The following PRTG variants were observed in gnomAD, a reference collection of about 807,000 sequenced individuals.
PRTG encodes the protein protogenin, also known as immunoglobulin superfamily, DCC subclass, member 5.
PRTG carries 67 observed loss-of-function variants against 122.5 expected under a neutral mutation model. That is an observed-to-expected ratio of 0.55 (90% confidence interval 0.45 to 0.67). The LOEUF (loss-of-function observed/expected upper bound fraction) is 0.67, where lower values mean the gene tolerates loss of function less well. Ranked by LOEUF, PRTG falls within the 30% of genes least tolerant of loss-of-function variation. The pLI, the probability that PRTG is intolerant of heterozygous loss-of-function variation, is 0.00. For missense variants in PRTG, 1,435 were observed against 1,415.4 expected, an observed-to-expected ratio of 1.01 and a Z score of -0.22; for synonymous variants, 554 against 501.1, an observed-to-expected ratio of 1.11 and a Z score of -1.41.
At chr15:55,629,984 A>ATT (rs1169581862) in intron 15 of PRTG, among the ~76,000 whole-genome samples, 17 of 125,260 alleles carry the variant, frequency 1.4e-4, no homozygotes, top group East Asian at 2.3e-4. Context: ...CACCAGGTTA[A>ATT]TTTTTTTTTT....
intron 2 of PRTG, among the ~76,000 whole-genome samples, chr15:55,719,938 T>C (rs2030749009): frequency 6.6e-6 from 1 of 151,728 alleles, no homozygotes; most frequent in Non-Finnish European, 1.5e-5. Flanking sequence ...GGTGGGCGCC[T>C]GGTCCCACCT....
At position 55,619,282 on chromosome 15, in the gene PRTG, T is replaced by G. The variant is rs2059153947; in HGVS notation, c.*730A>C. On this transcript the variant is annotated 3_prime_UTR_variant, in exon 20 of 20. Transcript: ENST00000389286. Reference sequence around the variant, plus strand: ...GTTCTGTTCTCAAAAGAAATATACTTTCTTGTTTTGGTCATCGTTAGAAGA... The same window carrying G: ...GTTCTGTTCTCAAAAGAAATATACTGTCTTGTTTTGGTCATCGTTAGAAGA... 1 of 152,218 alleles carries G rather than the reference T, an allele frequency of 6.6e-6. No homozygotes were observed. The highest frequency in any genetic ancestry group is 2.1e-4 in the South Asian group (1 of 4,816). The allele number at this position is 152,218 out of a possible 1,614,324, so 9.4% of individuals were successfully genotyped here.
intron 18 of PRTG, among the ~76,000 whole-genome samples, chr15:55,622,692 C>T (rs561937193): frequency 2.0e-5 from 3 of 151,530 alleles, no homozygotes; most frequent in Non-Finnish European, 4.4e-5. Context: ...CGCCCGGCCA[C>T]ACCTGGCTAA....
rs116278803 is a variant in PRTG, at chr15:55,712,061, T to G, written c.398-28130A>C. Among the ~76,000 whole-genome samples, 946 of 152,322 alleles carry G rather than the reference T, an allele frequency of 6.2e-3. 12 individuals are homozygous for G. The highest frequency in any genetic ancestry group is 0.022 in the African/African-American group (904 of 41,574). ...GCCAAATGATTCTGGAGCTAGGGCTTGAATTGGGTCAAATTAAAATGAAGC... is the reference window on the plus strand; with the variant it reads ...GCCAAATGATTCTGGAGCTAGGGCTGGAATTGGGTCAAATTAAAATGAAGC... On this transcript the variant is annotated intron_variant, in intron 2 of 19. Transcript: ENST00000389286.
intron 8 of PRTG, among the ~76,000 whole-genome samples, chr15:55,676,693 A>C (rs1227292990): frequency 6.6e-6 from 1 of 152,196 alleles, no homozygotes; most frequent in Non-Finnish European, 1.5e-5. Flanking sequence ...GCCTTGTTCC[A>C]TTCCTGAATA....
intron 14 of PRTG, 63 bp downstream of exon 14, chr15:55,638,486 A>T (rs2059270478): frequency 7.5e-7 from 1 of 1,334,726 alleles, no homozygotes; most frequent in East Asian, 2.5e-5. Context: ...TGACATACAT[A>T]TTTTTAAAAC....
intron 2 of PRTG, among the ~76,000 whole-genome samples, chr15:55,730,188 G>A (rs937467284): frequency 5.3e-5 from 8 of 151,878 alleles, no homozygotes; most frequent in Non-Finnish European, 8.8e-5. Context: ...TGCAGCCTCC[G>A]CCTCCCAGGT....
At chr15:55,737,477 A>C (rs1200944518) in intron 2 of PRTG, among the ~76,000 whole-genome samples, 4 of 152,170 alleles carry the variant, frequency 2.6e-5, no homozygotes, top group Admixed American at 6.6e-5. Context: ...TTGGGAGATA[A>C]GGCTCCATAG....
rs921820646 is a variant in PRTG at position 55,729,601 on chromosome 15, T to A, written c.397+10781A>T. ...GATTCTGCGGGGAAAAAAAATAAAA[T>A]AAAATAAAATAAAATAAATATATAT... On this transcript the variant is annotated intron_variant, in intron 2 of 19. Coordinates refer to ENST00000389286, the MANE Select transcript of PRTG (RefSeq NM_173814.6). Among the ~76,000 whole-genome samples the A allele has an allele frequency of 3.1e-4, 47 of 151,488 alleles. No individual in the cohort carries two copies. The East Asian group carries it at 4.5e-3, about 14-fold the overall frequency.
At chr15:55,732,323 T>C (rs1387215720) in intron 2 of PRTG, among the ~76,000 whole-genome samples, 11 of 151,864 alleles carry the variant, frequency 7.2e-5, no homozygotes, top group Non-Finnish European at 1.5e-4. Flanking sequence ...TAGCTGGAAT[T>C]ACAGGCGTAT....
chr15:55,696,135 G>A (rs1276980482), intron 2 of PRTG, among the ~76,000 whole-genome samples: 1 of 151,908 alleles, frequency 6.6e-6, no homozygotes, highest in Non-Finnish European at 1.5e-5. Context: ...GTGGTGGCCT[G>A]TGTCTGTGGT....
intron 4 of PRTG, among the ~76,000 whole-genome samples, chr15:55,681,127 TTTTA>T (rs1486133786): frequency 6.6e-6 from 1 of 152,172 alleles, no homozygotes; most frequent in African/African-American, 2.4e-5. Flanking sequence ...ATAGAACACA[TTTTA>T]TTTATCCATT....
At chr15:55,620,417 C>T (rs779932131) in intron 19 of PRTG, 151 bp from the exon 20 acceptor site, 69 of 1,416,546 alleles carry the variant, frequency 4.9e-5, no homozygotes, top group African/African-American at 5.8e-5. Context: ...TTCTGATGCA[C>T]GCTCCTGCTC....
intron 2 of PRTG, among the ~76,000 whole-genome samples, chr15:55,736,735 TA>T (rs1438536271): frequency 1.3e-5 from 2 of 152,132 alleles, no homozygotes; most frequent in African/African-American, 4.8e-5. Flanking sequence ...AAGGGTCACA[TA>T]AAAAATTATT....
At chr15:55,711,954 T>C (rs1478061705) in intron 2 of PRTG, among the ~76,000 whole-genome samples, 7 of 152,160 alleles carry the variant, frequency 4.6e-5, no homozygotes, top group African/African-American at 1.7e-4. Context: ...TACAAGTAGA[T>C]GACAACCCTC....
intron 2 of PRTG, among the ~76,000 whole-genome samples, chr15:55,699,464 A>G (rs955128815): frequency 3.6e-4 from 55 of 152,224 alleles, no homozygotes; most frequent in African/African-American, 1.3e-3. Flanking sequence ...ATGTCCACCA[A>G]AATAAAACTA....
chr15:55,717,129 T>A (rs1595673463), intron 2 of PRTG, among the ~76,000 whole-genome samples: 1 of 152,204 alleles, frequency 6.6e-6, no homozygotes, highest in East Asian at 1.9e-4. Flanking sequence ...CACAAGAGAT[T>A]TGGCTTTTAT....
At chr15:55,655,165 C>T (rs1026673359) in intron 11 of PRTG, 1 of 152,134 alleles carries the variant, frequency 6.6e-6, no homozygotes, top group African/African-American at 2.4e-5. Context: ...AAACTCACTG[C>T]AATAGATTTT....
chr15:55,642,509 T>A (rs1451852791), intron 11 of PRTG, among the ~76,000 whole-genome samples: 4 of 149,776 alleles, frequency 2.7e-5, no homozygotes, highest in African/African-American at 9.9e-5. Context: ...CCCAGCTACT[T>A]GAGGAGACTA....
Sources: allele counts gnomAD v4.1 joint callset (sites outside exome capture counted in the v4.1 genomes callset), GRCh38; gene constraint gnomAD v4.1.1; transcripts MANE v1.5; gene names NCBI Gene and HGNC (gene_info 2026-07-23, HGNC 2026-07-21).